Variants in ATXN1 observed in about 807,000 individuals in gnomAD.
ATXN1 encodes ataxin-1.
A neutral mutation model predicts 56.4 loss-of-function variants in ATXN1; 8 were observed. That is an observed-to-expected ratio of 0.14 (90% CI 0.08 to 0.26). The LOEUF (loss-of-function observed/expected upper bound fraction) is 0.26, where lower values mean the gene tolerates loss of function less well. Ranked by LOEUF, ATXN1 falls within the 10% of genes least tolerant of loss-of-function variation. The pLI is 1.00. For synonymous variants in ATXN1, 514 were observed against 494.6 expected (o/e 1.04, Z -0.52); for missense variants, 987 against 1,106.5 (o/e 0.89, Z 1.53).
intron 6 of ATXN1, chr6:16,485,408 G>A (rs1760525197): frequency 1.3e-5 from 2 of 152,182 alleles, no homozygotes; most frequent in Admixed American, 6.5e-5. Flanking sequence ...TCCCAAGCCA[G>A]TAACTGATCA....
At chr6:16,637,556 T>C (rs1763622849) in intron 3 of ATXN1, among the ~76,000 whole-genome samples, 2 of 151,828 alleles carry the variant, frequency 1.3e-5, no homozygotes, top group African/African-American at 4.8e-5. Context: ...TTGAGCACAC[T>C]AGAAGTCAAC....
Position 16,746,756 on chromosome 6 carries a change from A to G in ATXN1, c.-615+6477T>C, listed in dbSNP as rs576222371. ...ATAATGACATAATAATAGCTAAAAT[A>G]TAAATTCTAATTAAATACAAAATCT... On this transcript the variant is annotated intron_variant, in intron 2 of 7. Coordinates refer to ENST00000436367, the MANE Select transcript of ATXN1 (RefSeq NM_001128164.2). Among the ~76,000 whole-genome samples, 41 of 152,352 alleles carry G rather than the reference A, an allele frequency of 2.7e-4. No individual in the cohort carries two copies. In the South Asian group the frequency reaches 8.1e-3, roughly 30 times the overall value.
At chr6:16,700,498 A>G (rs1202579702) in intron 2 of ATXN1, among the ~76,000 whole-genome samples, 1 of 152,116 alleles carries the variant, frequency 6.6e-6, no homozygotes, top group Non-Finnish European at 1.5e-5. Context: ...TAACCTTACC[A>G]GGAGATCAGA....
chr6:16,611,849 A>ATTTTTTTTTTTTTTTT (rs369870821), intron 3 of ATXN1, among the ~76,000 whole-genome samples: 4 of 75,170 alleles, frequency 5.3e-5, no homozygotes, highest in Non-Finnish European at 9.6e-5. Context: ...AGCAGATGAA[A>ATTTTTTTTTTTTTTTT]TTTTTTTTTT....
Position 16,733,252 on chromosome 6 carries a change from G to T in ATXN1, c.-615+19981C>A, listed in dbSNP as rs143736829. 4.8e-3 allele frequency among the ~76,000 whole-genome samples: 725 copies of T among 152,272 alleles called. 5 individuals are homozygous for T. Among genetic ancestry groups the T allele is most frequent in the Middle Eastern group, 0.031 (9 of 294 alleles). On this transcript the variant is annotated intron_variant, in intron 2 of 7. Coordinates refer to ENST00000436367, the MANE Select transcript of ATXN1 (RefSeq NM_001128164.2). ...TTCCCAAAAATGTTTGCTATTTTAA[G>T]AGCCACACTATTAAGAACCACAAGT...
Position 16,451,751 on chromosome 6 carries a change from G to A in ATXN1, c.-161+34221C>T, listed in dbSNP as rs372491251. On this transcript the variant is annotated intron_variant, in intron 6 of 7. Coordinates refer to ENST00000436367, the MANE Select transcript of ATXN1 (RefSeq NM_001128164.2). ...GCGTGGGCAACAAGAGCAAAACTCC[G>A]TCTCAAAAAAAAAAAAAGAAAGAAA... is the stretch of plus-strand genomic sequence containing the variant. Among the ~76,000 whole-genome samples the A allele has an allele frequency of 1.2e-4, 18 of 150,076 alleles. No individual in the cohort carries two copies. In the South Asian group the frequency reaches 2.1e-3, roughly 17 times the overall value.
chr6:16,608,070 T>C (rs1376125716), intron 3 of ATXN1, among the ~76,000 whole-genome samples: 1 of 152,344 alleles, frequency 6.6e-6, no homozygotes, highest in East Asian at 1.9e-4. Flanking sequence ...ATGTGCTGAA[T>C]GACATTGGAG....
intron 2 of ATXN1, among the ~76,000 whole-genome samples, chr6:16,665,674 C>G (rs906928104): frequency 4.7e-4 from 71 of 152,152 alleles, no homozygotes; most frequent in African/African-American, 1.7e-3. Context: ...ATAATTCCCA[C>G]CATTTGTCCT....
chr6:16,698,869 A>T (rs1204258553), intron 2 of ATXN1, among the ~76,000 whole-genome samples: 1 of 152,214 alleles, frequency 6.6e-6, no homozygotes, highest in African/African-American at 2.4e-5. Flanking sequence ...AAGCTTTAAA[A>T]TTCTACGATT....
intron 3 of ATXN1, among the ~76,000 whole-genome samples, chr6:16,649,971 C>T (rs537633181): frequency 6.6e-5 from 10 of 150,868 alleles, no homozygotes; most frequent in African/African-American, 1.2e-4. Flanking sequence ...TTCCTTGAGA[C>T]GAGCTCTCTA....
In ATXN1 at chr6:16,306,970, C is replaced by T; in HGVS notation, c.1918-111G>A. On this transcript the variant is annotated intron_variant, in intron 7 of 7. Coordinates refer to ENST00000436367, the MANE Select transcript of ATXN1 (RefSeq NM_001128164.2). This position sits in a 1 kb window ranked among gnomAD's most constrained non-coding sequence, Gnocchi z 5.2. ...ACAGGTATGAACTCACACAGACACA[C>T]ACAGGCTGAATGGGGGAAAATGACT... is the stretch of plus-strand genomic sequence containing the variant. The T allele has an allele frequency of 7.9e-7, 1 of 1,270,636 alleles. No individual in the cohort carries two copies. Among genetic ancestry groups the T allele is most frequent in the East Asian group, 2.5e-5 (1 of 40,742 alleles). 78.7% of individuals were successfully genotyped at this position (1,270,636 alleles called of 1,614,324 possible). A position where few individuals can be genotyped will look rare whatever the true frequency, so the allele number is the denominator to read the frequency against.
At chr6:16,367,491 G>T (rs1169502612) in intron 6 of ATXN1, among the ~76,000 whole-genome samples, 1 of 152,070 alleles carries the variant, frequency 6.6e-6, no homozygotes, top group African/African-American at 2.4e-5. Context: ...AGTTGAAGTT[G>T]TCTGATTTGT....
chr6:16,653,271 G>A (rs567511147), intron 3 of ATXN1, among the ~76,000 whole-genome samples: 7 of 152,270 alleles, frequency 4.6e-5, no homozygotes, highest in Admixed American at 2.0e-4. Context: ...AACAAGAGGC[G>A]GACGGAAGGA....
At chr6:16,723,290 G>C (rs919392558) in intron 2 of ATXN1, among the ~76,000 whole-genome samples, 2 of 152,084 alleles carry the variant, frequency 1.3e-5, no homozygotes, top group Non-Finnish European at 2.9e-5. Context: ...CATCTCTGGG[G>C]ACATTTTCAT....
At chr6:16,684,989 T>C (rs1758887463) in intron 2 of ATXN1, among the ~76,000 whole-genome samples, 1 of 151,872 alleles carries the variant, frequency 6.6e-6, no homozygotes, top group Admixed American at 6.6e-5. Context: ...AAATGGTCAA[T>C]GAACTAACAT....
At chr6:16,470,046 CATT>C (rs1760187689) in intron 6 of ATXN1, among the ~76,000 whole-genome samples, 1 of 151,974 alleles carries the variant, frequency 6.6e-6, no homozygotes, top group Non-Finnish European at 1.5e-5. Flanking sequence ...TCCATAGCAG[CATT>C]ATTAACAATA....
intron 3 of ATXN1, among the ~76,000 whole-genome samples, chr6:16,586,980 T>C (rs1417559269): frequency 6.6e-6 from 1 of 151,688 alleles, no homozygotes; most frequent in Non-Finnish European, 1.5e-5. Flanking sequence ...ATCATGCCAC[T>C]GCACTCCAGC....
intron 3 of ATXN1, among the ~76,000 whole-genome samples, chr6:16,632,721 A>G (rs966520315): frequency 3.3e-5 from 5 of 152,170 alleles, no homozygotes; most frequent in African/African-American, 9.7e-5. Context: ...GAACCTCTAC[A>G]GAACCTAGAA....
intron 2 of ATXN1, among the ~76,000 whole-genome samples, chr6:16,711,195 A>G (rs1424742033): frequency 6.6e-6 from 1 of 152,224 alleles, no homozygotes; most frequent in Admixed American, 6.5e-5. Context: ...AAATCACTTC[A>G]ATAATTGTTG....
Sources: allele counts gnomAD v4.1 joint callset (sites outside exome capture counted in the v4.1 genomes callset), GRCh38; gene constraint gnomAD v4.1.1; non-coding constraint Gnocchi (gnomAD v3.1); transcripts MANE v1.5; gene names NCBI Gene and HGNC (gene_info 2026-07-23, HGNC 2026-07-21).